The following HDX variants were observed in gnomAD, a reference collection of about 807,000 sequenced individuals.
HDX encodes chromosome X open reading frame 43.
A neutral mutation model predicts 45.2 loss-of-function variants in HDX; 19 were observed. The ratio of observed to expected loss-of-function variants is 0.42; its 90% CI spans 0.29 to 0.62. The LOEUF (loss-of-function observed/expected upper bound fraction) is 0.62. HDX is among the 20% of genes least tolerant of loss of function. The pLI, the probability that HDX is intolerant of heterozygous loss-of-function variation, is 0.20. For synonymous variants in HDX, 188 were observed against 172.8 expected, an observed-to-expected ratio of 1.09 and a Z score of -0.69; for missense variants, 532 against 493.9, an observed-to-expected ratio of 1.08 and a Z score of -0.73.
At position 84,321,673 on chromosome X, in the gene HDX, G is replaced by C. The variant is rs1326573679; in HGVS notation, c.*216C>G. On this transcript the variant is annotated 3_prime_UTR_variant, in exon 11 of 11. Transcript: ENST00000373177. ...ATAATTTTTTTCCAGAGTTCCATCA[G>C]TTAAAAAAATACTCTCTCAAACAAT... 1.2e-5 allele frequency: 3 copies of C among 243,107 alleles called. No individual in the cohort carries two copies. The highest frequency in any genetic ancestry group is 5.0e-4 in the South Asian group (2 of 3,974). The allele number at this position is 243,107 out of a possible 1,213,427, so 20.0% of individuals were successfully genotyped here.
rs1435514456 is a variant in HDX at position 84,447,997 on chromosome X, C to T, written c.1252-7412G>A. 4.5e-5 allele frequency among the ~76,000 whole-genome samples: 5 copies of T among 111,654 alleles called. No individual in the cohort carries two copies. The Admixed American group carries it at 4.7e-4, about 11-fold the overall frequency. ...CACCAAGCATTCTGTAAAAGCCTGG[C>T]AATCACCATGCTCCAGCCTACCACA... On this transcript the variant is annotated intron_variant, in intron 4 of 10. Transcript: ENST00000373177.
intron 5 of HDX, among the ~76,000 whole-genome samples, chrX:84,377,416 A>C (rs1311737314): frequency 1.8e-5 from 2 of 111,922 alleles, no homozygotes; most frequent in Non-Finnish European, 3.8e-5. Flanking sequence ...GACACAAGGG[A>C]CTAATCCTGG....
At chrX:84,352,527 C>T (rs1173638814) in intron 6 of HDX, among the ~76,000 whole-genome samples, 2 of 110,816 alleles carry the variant, frequency 1.8e-5, no homozygotes, top group African/African-American at 3.3e-5. Flanking sequence ...TATATATTTA[C>T]GAGGCACATG....
At chrX:84,371,005 G>A (rs2037880295) in intron 5 of HDX, among the ~76,000 whole-genome samples, 1 of 112,107 alleles carries the variant, frequency 8.9e-6, no homozygotes, top group Non-Finnish European at 1.9e-5. Context: ...TCACATGTAA[G>A]GTCCATCATT....
intron 5 of HDX, among the ~76,000 whole-genome samples, chrX:84,364,762 C>T (rs1402271741): frequency 9.1e-6 from 1 of 110,311 alleles, no homozygotes; most frequent in East Asian, 2.9e-4. Context: ...CTCCCCATTT[C>T]CCTCTCCCAC....
intron 10 of HDX, among the ~76,000 whole-genome samples, chrX:84,323,216 A>G (rs762892078): frequency 4.5e-5 from 5 of 111,178 alleles, no homozygotes; most frequent in South Asian, 7.4e-4. Context: ...TCATTAATTT[A>G]TTGCTGGAAC....
rs1288079253 is a variant in HDX, at chrX:84,321,935, A to C, written c.2027T>G (p.Phe676Cys). ...TTTCTCTGACAAAGAAGATACACTG[A>C]ATGAGGTATCATCAGGCTCCAGTGA... The part of the protein sequence containing the change: ...HASLEPDDTS[F>C]SVSSLSEKNV... Residue 676 changes from phenylalanine (F) to cysteine (C), a missense_variant, in exon 11 of 11, where the codon TTC becomes TGC. Around this residue, in one of 3 missense-constraint regions of HDX, gnomAD observed 151 missense variants for 131.8 expected, o/e 1.15. Transcript: ENST00000373177. 3 of 1,181,241 alleles carry C rather than the reference A, an allele frequency of 2.5e-6. No homozygotes were observed. The highest frequency in any genetic ancestry group is 3.4e-6 in the Non-Finnish European group (3 of 872,296).
chrX:84,397,695 T>C (rs2038598082), intron 5 of HDX, among the ~76,000 whole-genome samples: 1 of 111,857 alleles, frequency 8.9e-6, no homozygotes, highest in African/African-American at 3.3e-5. Flanking sequence ...CAAAGTGTGA[T>C]TACCTACTGG....
chrX:84,435,126 A>G (rs767505155), intron 5 of HDX, among the ~76,000 whole-genome samples: 57 of 110,462 alleles, frequency 5.2e-4, no homozygotes, highest in African/African-American at 1.8e-3. Context: ...TGTTTCATTG[A>G]TATTTTATAT....
At chrX:84,384,827 A>G (rs942196245) in intron 5 of HDX, among the ~76,000 whole-genome samples, 3 of 111,106 alleles carry the variant, frequency 2.7e-5, no homozygotes, top group South Asian at 7.6e-4. Flanking sequence ...GTTAAAGATC[A>G]AGTGCTTATA....
At chrX:84,343,075 A>G (rs1430582069) in intron 7 of HDX, among the ~76,000 whole-genome samples, 2 of 111,035 alleles carry the variant, frequency 1.8e-5, no homozygotes, top group Non-Finnish European at 3.8e-5. Context: ...ACAAATTTAT[A>G]TCGTCATAAA....
At chrX:84,436,352 G>A (rs185196815) in intron 5 of HDX, among the ~76,000 whole-genome samples, 12,590 of 106,192 alleles carry the variant, frequency 0.12, 849 homozygotes, top group Middle Eastern at 0.19. Context: ...TGGGTGCAGC[G>A]CACCAGCATG....
rs1452519986 is a variant in HDX, at chrX:84,469,424, G to T, written c.299C>A (p.Ser100Tyr). The change falls in exon 4 of 11, where the codon TCT (serine) becomes TAT (tyrosine). Residue 100 changes from serine (S) to tyrosine (Y), a missense_variant. Around this residue, in one of 3 missense-constraint regions of HDX, gnomAD observed 376 missense variants for 343.7 expected, o/e 1.09. Coordinates refer to ENST00000373177, the MANE Select transcript of HDX (RefSeq NM_001177479.2). ...AGTTACAATGACATCATTATTGGCAGATGTCCAAGAAGACTGCTGGCTTGA... is the reference window on the plus strand; with the variant it reads ...AGTTACAATGACATCATTATTGGCATATGTCCAAGAAGACTGCTGGCTTGA... ...RPSSQQSSWT[S>Y]ANNDVIVTGI... 1 of 1,208,830 alleles carries T rather than the reference G, an allele frequency of 8.3e-7. No individual in the cohort carries two copies. The highest frequency in any genetic ancestry group is 1.1e-6 in the Non-Finnish European group (1 of 894,764).
At chrX:84,388,405 C>T (rs913106044) in intron 5 of HDX, among the ~76,000 whole-genome samples, 5 of 111,385 alleles carry the variant, frequency 4.5e-5, no homozygotes, top group Non-Finnish European at 7.5e-5. Context: ...ATTTTTAAGT[C>T]GCTTATGCTG....
intron 9 of HDX, among the ~76,000 whole-genome samples, chrX:84,331,266 A>C (rs185564979): frequency 1.8e-5 from 2 of 111,644 alleles, no homozygotes; most frequent in African/African-American, 3.2e-5. Flanking sequence ...CTATGACCAA[A>C]ATGAGTATGG....
chrX:84,343,570 T>C (rs747362989), intron 7 of HDX, among the ~76,000 whole-genome samples: 1 of 111,254 alleles, frequency 9.0e-6, no homozygotes, highest in Admixed American at 9.6e-5. Context: ...TTAGAGGCAT[T>C]AGTCACCTCA....
intron 3 of HDX, among the ~76,000 whole-genome samples, chrX:84,470,972 T>C (rs2040444089): frequency 9.0e-6 from 1 of 111,496 alleles, no homozygotes; most frequent in Admixed American, 9.6e-5. Context: ...ATGGGCAATA[T>C]AGTGGGACTC....
At chrX:84,438,938 T>C (rs1196470820) in intron 5 of HDX, among the ~76,000 whole-genome samples, 3 of 112,036 alleles carry the variant, frequency 2.7e-5, no homozygotes, top group African/African-American at 6.5e-5. Context: ...AGTTATATTT[T>C]AAGTTCTTTG....
intron 4 of HDX, among the ~76,000 whole-genome samples, chrX:84,441,098 A>G (rs1485353262): frequency 9.0e-6 from 1 of 111,073 alleles, no homozygotes; most frequent in African/African-American, 3.3e-5. Context: ...AAATGAACAT[A>G]ATAATAAAAT....
Sources: allele counts gnomAD v4.1 joint callset (sites outside exome capture counted in the v4.1 genomes callset), GRCh38; gene constraint gnomAD v4.1.1; regional missense constraint gnomAD v4.1.1; transcripts MANE v1.5; gene names NCBI Gene and HGNC (gene_info 2026-07-23, HGNC 2026-07-21).